The following CTNND2 variants were observed in gnomAD, a reference collection of about 807,000 sequenced individuals.
CTNND2 encodes catenin delta 2.
A neutral mutation model predicts 144.4 loss-of-function variants in CTNND2; 22 were observed. The ratio of observed to expected loss-of-function variants is 0.15; its 90% CI spans 0.11 to 0.22. The LOEUF (loss-of-function observed/expected upper bound fraction) is 0.22, where lower values mean the gene tolerates loss of function less well. Among genes scored for constraint, CTNND2 ranks in the 10% least tolerant of loss-of-function variants. The pLI is 1.00. For missense variants in CTNND2, 1,353 were observed against 1,618.8 expected (o/e 0.84, Z 2.82); for synonymous variants, 751 against 695.6 (o/e 1.08, Z -1.25).
chr5:11,129,133 A>ATATAATATATAATATATATTATATATT (rs1755190090), intron 12 of CTNND2, among the ~76,000 whole-genome samples: 1 of 26,044 alleles, frequency 3.8e-5, no homozygotes, highest in Non-Finnish European at 6.2e-5. Flanking sequence ...ATATATATTT[A>ATATAATATATAATATATATTATATATT]TATATATTAT....
At chr5:11,565,808 A>G (rs1472390914) in intron 2 of CTNND2, among the ~76,000 whole-genome samples, 1 of 152,248 alleles carries the variant, frequency 6.6e-6, no homozygotes, top group Non-Finnish European at 1.5e-5. Context: ...ACCATATTTT[A>G]CTACTGATGT....
chr5:11,507,596 A>G lies in CTNND2; in HGVS notation c.287+57348T>C, dbSNP rs567091008. Among the ~76,000 whole-genome samples the G allele has an allele frequency of 7.9e-5, 12 of 152,328 alleles. No individual in the cohort carries two copies. The East Asian group carries it at 2.3e-3, about 29-fold the overall frequency. ...GAAGTCTGGAAGGGGATCAAGAGCA[A>G]CAAGCAGACAGCTCTGAGAGCAGGT... On this transcript the variant is annotated intron_variant, in intron 3 of 21. Coordinates refer to ENST00000304623, the MANE Select transcript of CTNND2 (RefSeq NM_001332.4).
intron 9 of CTNND2, among the ~76,000 whole-genome samples, chr5:11,280,508 T>C (rs898471968): frequency 5.9e-5 from 9 of 152,168 alleles, no homozygotes; most frequent in Non-Finnish European, 1.2e-4. Flanking sequence ...TGGAGAGAGA[T>C]CAAACTCTAT....
At chr5:11,268,851 A>T (rs932726630) in intron 9 of CTNND2, among the ~76,000 whole-genome samples, 3 of 152,174 alleles carry the variant, frequency 2.0e-5, no homozygotes, top group African/African-American at 7.2e-5. Context: ...TGTTCATTGC[A>T]GGGAGCAATG....
chr5:11,782,640 A>C (rs962839848), intron 1 of CTNND2, among the ~76,000 whole-genome samples: 1 of 152,232 alleles, frequency 6.6e-6, no homozygotes, highest in African/African-American at 2.4e-5. Flanking sequence ...ATCTATTTCA[A>C]TCAGCATTCC....
chr5:11,186,974 G>A (rs1735693376), intron 11 of CTNND2, among the ~76,000 whole-genome samples: 1 of 152,202 alleles, frequency 6.6e-6, no homozygotes, highest in Admixed American at 6.5e-5. Context: ...ACCGGTAAGT[G>A]TGGGTGTTCG....
Position 11,180,729 on chromosome 5 carries a change from C to G in CTNND2, c.1975+18719G>C, listed in dbSNP as rs952869032. ...CTAGGGCTTAGCTGAGCAACACACTCTAGATCCTGCTACCTCGTAGAAAAC... is the reference window on the plus strand; with the variant it reads ...CTAGGGCTTAGCTGAGCAACACACTGTAGATCCTGCTACCTCGTAGAAAAC... On this transcript the variant is annotated intron_variant, in intron 11 of 21. Transcript: ENST00000304623. Among the ~76,000 whole-genome samples, 17 of 152,358 alleles carry G rather than the reference C, an allele frequency of 1.1e-4. 1 individual carries two copies. Among genetic ancestry groups the G allele is most frequent in the Admixed American group, 2.6e-4 (4 of 15,308 alleles).
At chr5:11,755,638 C>CT (rs771965410) in intron 1 of CTNND2, among the ~76,000 whole-genome samples, 1 of 31,006 alleles carries the variant, frequency 3.2e-5, no homozygotes, top group South Asian at 1.9e-3. Flanking sequence ...TTTGTTCATT[C>CT]TTCTTTTTTT....
intron 12 of CTNND2, among the ~76,000 whole-genome samples, chr5:11,117,788 C>G (rs375005188): frequency 1.3e-4 from 20 of 152,326 alleles, no homozygotes; most frequent in African/African-American, 4.1e-4. Context: ...CTGGAATAGA[C>G]AATGAAGAAC....
At chr5:11,502,232 C>A (rs1008171223) in intron 3 of CTNND2, among the ~76,000 whole-genome samples, 3 of 152,054 alleles carry the variant, frequency 2.0e-5, no homozygotes, top group Non-Finnish European at 4.4e-5. Context: ...TGAAAATTTG[C>A]TATGAAGTCC....
At chr5:11,839,879 G>A (rs1173606913) in intron 1 of CTNND2, among the ~76,000 whole-genome samples, 1 of 152,036 alleles carries the variant, frequency 6.6e-6, no homozygotes, top group Non-Finnish European at 1.5e-5. Context: ...CATCCTATTT[G>A]CTAGAATTGA....
At chr5:11,166,435 G>C (rs978078520) in intron 11 of CTNND2, among the ~76,000 whole-genome samples, 1 of 151,490 alleles carries the variant, frequency 6.6e-6, no homozygotes, top group Admixed American at 6.6e-5. Context: ...ATTTTTAGTA[G>C]AGACGGGGTT....
At chr5:11,046,594 G>GC in intron 16 of CTNND2, among the ~76,000 whole-genome samples, 1 of 152,250 alleles carries the variant, frequency 6.6e-6, no homozygotes, top group Non-Finnish European at 1.5e-5. Flanking sequence ...GTTCTATTTT[G>GC]CTTTATTTGA....
At chr5:11,520,776 G>A (rs2150039853) in intron 3 of CTNND2, among the ~76,000 whole-genome samples, 1 of 152,302 alleles carries the variant, frequency 6.6e-6, no homozygotes, top group Middle Eastern at 3.4e-3. Context: ...CAATTTCTTA[G>A]CAGCTCTTGT....
intron 16 of CTNND2, among the ~76,000 whole-genome samples, chr5:11,041,579 C>A (rs1374739684): frequency 6.6e-6 from 1 of 152,042 alleles, no homozygotes; most frequent in East Asian, 1.9e-4. Context: ...GCCAGTCATT[C>A]CAAAAACATT....
intron 3 of CTNND2, among the ~76,000 whole-genome samples, chr5:11,472,712 C>T (rs1767343054): frequency 6.6e-6 from 1 of 152,132 alleles, no homozygotes; most frequent in South Asian, 2.1e-4. Flanking sequence ...GGTTCCTATG[C>T]ATTGTTAGAA....
intron 5 of CTNND2, among the ~76,000 whole-genome samples, chr5:11,407,281 G>A (rs1168888322): frequency 1.3e-5 from 2 of 151,996 alleles, no homozygotes; most frequent in Non-Finnish European, 2.9e-5. Context: ...GTGACTCAGT[G>A]ACTAGTTTGT....
intron 9 of CTNND2, among the ~76,000 whole-genome samples, chr5:11,277,594 C>T (rs887813244): frequency 2.6e-5 from 4 of 151,380 alleles, no homozygotes; most frequent in Admixed American, 6.6e-5. Flanking sequence ...TGCAGTGGTA[C>T]GATCTGAACT....
chr5:11,411,137 G>T (rs1023032141), intron 5 of CTNND2, among the ~76,000 whole-genome samples: 1 of 152,050 alleles, frequency 6.6e-6, no homozygotes, highest in Non-Finnish European at 1.5e-5. Context: ...CTCCCAAAGT[G>T]CTGGGATTAC....
Sources: gnomAD v4.1 joint callset for allele counts (sites outside exome capture counted in the v4.1 genomes callset) on GRCh38, gnomAD v4.1.1 for gene constraint, MANE v1.5 for transcripts, NCBI Gene and HGNC (gene_info 2026-07-23, HGNC 2026-07-21) for gene names.